Variants in PGM1 observed in about 807,000 individuals in gnomAD.
PGM1 encodes the protein phosphoglucomutase-1.
A neutral mutation model predicts 55.6 loss-of-function variants in PGM1; 52 were observed. The observed-to-expected ratio is 0.94, with a 90% CI of 0.75 to 1.18. The LOEUF (loss-of-function observed/expected upper bound fraction) is 1.18, where lower values mean the gene tolerates loss of function less well. Ranked by LOEUF, PGM1 falls within the 50% of genes most tolerant of loss-of-function variation. The pLI, the probability that PGM1 is intolerant of heterozygous loss-of-function variation, is 0.00. For missense variants in PGM1, 724 were observed against 729.3 expected (o/e 0.99, Z 0.08); for synonymous variants, 287 against 271.7 (o/e 1.06, Z -0.55).
chr1:63,636,107 T>A lies in PGM1; in HGVS notation c.874-127T>A, dbSNP rs1649354265. On this transcript the variant is annotated intron_variant, in intron 5 of 10. Transcript: ENST00000371084. ...TGAAAATAAAACCCAGTGTTAAAAA[T>A]GCAGTATGGAAAGGAGATCAATTTC... The A allele has an allele frequency of 3.3e-6, 3 of 907,608 alleles. No individual in the cohort carries two copies. The South Asian group carries it at 4.2e-5, about 13-fold the overall frequency. The allele number at this position is 907,608 out of a possible 1,614,324, so 56.2% of individuals were successfully genotyped here.
At chr1:63,610,948 A>G (rs1008925214) in intron 1 of PGM1, among the ~76,000 whole-genome samples, 3 of 152,248 alleles carry the variant, frequency 2.0e-5, no homozygotes, top group South Asian at 4.1e-4. Context: ...TCTACCCCTT[A>G]TGGTTTTAGG....
At chr1:63,601,511 C>T (rs1022681174) in intron 1 of PGM1, among the ~76,000 whole-genome samples, 1 of 152,186 alleles carries the variant, frequency 6.6e-6, no homozygotes, top group African/African-American at 2.4e-5. Flanking sequence ...CCTTGAGGCC[C>T]ACACAGACAT....
At chr1:63,601,011 G>A (rs1648228990) in intron 1 of PGM1, among the ~76,000 whole-genome samples, 1 of 152,002 alleles carries the variant, frequency 6.6e-6, no homozygotes. Flanking sequence ...ATATACTGGG[G>A]GCTTGCAAAT....
chr1:63,611,271 C>A (rs765674463), intron 1 of PGM1, among the ~76,000 whole-genome samples: 22 of 151,918 alleles, frequency 1.4e-4, no homozygotes, highest in Non-Finnish European at 2.9e-4. Context: ...AAAGAGGAAG[C>A]CAGGAAAAAG....
At chr1:63,618,817 C>A (rs1648811557) in intron 1 of PGM1, among the ~76,000 whole-genome samples, 1 of 152,110 alleles carries the variant, frequency 6.6e-6, no homozygotes, top group African/African-American at 2.4e-5. Flanking sequence ...AGCCCCTGTT[C>A]CCGATTCTCA....
chr1:63,648,492 C>G (rs376501061), intron 7 of PGM1, 25 bp from the exon 8 acceptor site: 3 of 1,613,818 alleles, frequency 1.9e-6, no homozygotes, highest in African/African-American at 2.7e-5. Flanking sequence ...ACGTTTCTTA[C>G]AGCAGCTTGC....
At chr1:63,629,345 C>A in intron 1 of PGM1, 80 bp from the exon 2 acceptor site, 1 of 1,170,578 alleles carries the variant, frequency 8.5e-7, no homozygotes, top group Non-Finnish European at 1.3e-6. Flanking sequence ...GTCCATCTGC[C>A]TGTTGTCTTG....
At chr1:63,638,069 C>T (rs552721471) in intron 6 of PGM1, among the ~76,000 whole-genome samples, 8 of 152,136 alleles carry the variant, frequency 5.3e-5, no homozygotes, top group South Asian at 2.1e-4. Context: ...AAATAAAAGA[C>T]GTGTTAGAAG....
At chr1:63,605,448 T>C (rs1043511080) in intron 1 of PGM1, among the ~76,000 whole-genome samples, 22 of 152,334 alleles carry the variant, frequency 1.4e-4, no homozygotes, top group African/African-American at 5.3e-4. Flanking sequence ...TCTCTATTAC[T>C]GATGGCTACC....
intron 7 of PGM1, among the ~76,000 whole-genome samples, chr1:63,645,208 A>G (rs1649617889): frequency 6.6e-6 from 1 of 152,238 alleles, no homozygotes; most frequent in African/African-American, 2.4e-5. Context: ...TTTTGTTTAT[A>G]GTATTAGGTG....
chr1:63,623,688 G>T (rs375664222), intron 1 of PGM1: 2 of 1,612,608 alleles, frequency 1.2e-6, no homozygotes, highest in Non-Finnish European at 1.7e-6. Flanking sequence ...CATCACTGGT[G>T]GTTGGTGGAG....
Position 63,630,077 on chromosome 1 carries a change from A to C in PGM1, c.545A>C (p.Lys182Thr). 6.2e-7 allele frequency: 1 copy of C among 1,614,010 alleles called. No homozygotes were observed. The highest frequency in any genetic ancestry group is 1.1e-5 in the South Asian group (1 of 91,078). The change falls in exon 3 of 11, where the codon AAA becomes ACA. Residue 182 changes from lysine (K) to threonine (T), a missense_variant. By Grantham distance (78) the Lys-to-Thr change is moderately conservative. This residue lies in a region of PGM1 where 379 missense variants were observed against 357.5 expected (regional missense o/e 1.06). Coordinates refer to ENST00000371084, the MANE Select transcript of PGM1 (RefSeq NM_002633.3). ...CAGTTTGACTTGGAAAATAAGTTCA[A>C]ACCCTTCACAGGCATGTTTACTTTC... is the stretch of plus-strand genomic sequence containing the variant. ...KQQFDLENKFKPFTVEIVDSV... is the reference protein window; with the variant it reads ...KQQFDLENKFTPFTVEIVDSV...
chr1:63,629,356 GTGT>G (rs1649125931), intron 1 of PGM1, 66 bp from the exon 2 acceptor site: 1 of 1,287,762 alleles, frequency 7.8e-7, no homozygotes, highest in Non-Finnish European at 1.1e-6. Context: ...TGTTGTCTTG[GTGT>G]TGTTTCTGAG....
In PGM1 at chr1:63,642,109, C is replaced by T. The variant is rs543358130; in HGVS notation, c.1144+3309C>T. On this transcript the variant is annotated intron_variant, in intron 7 of 10. Coordinates refer to ENST00000371084, the MANE Select transcript of PGM1 (RefSeq NM_002633.3). ...ACTCCACAGTCCAGGGTTGGGAACCCCAGGGTCTTTGCGGGAAGAAATGCA... is the reference window on the plus strand; with the variant it reads ...ACTCCACAGTCCAGGGTTGGGAACCTCAGGGTCTTTGCGGGAAGAAATGCA... 5.3e-4 allele frequency among the ~76,000 whole-genome samples: 80 copies of T among 152,206 alleles called. No homozygotes were observed. In the Middle Eastern group the frequency reaches 0.01, roughly 19 times the overall value.
intron 4 of PGM1, among the ~76,000 whole-genome samples, chr1:63,633,940 T>TTTATTTA (rs1649288864): frequency 8.5e-6 from 1 of 117,330 alleles, no homozygotes; most frequent in African/African-American, 3.7e-5. Flanking sequence ...ATATTTTTTT[T>TTTATTTA]TTTTTTTTTT....
chr1:63,639,155 TA>T (rs1383430605), intron 7 of PGM1, among the ~76,000 whole-genome samples: 2 of 152,100 alleles, frequency 1.3e-5, no homozygotes, highest in African/African-American at 4.8e-5. Flanking sequence ...TGAGAAGAAA[TA>T]CGGTGGAGCA....
chr1:63,650,343 A>G (rs985072532), intron 8 of PGM1, among the ~76,000 whole-genome samples: 1 of 152,100 alleles, frequency 6.6e-6, no homozygotes, highest in Admixed American at 6.5e-5. Flanking sequence ...TGATTGCAAA[A>G]CCCAGACTCT....
intron 1 of PGM1, among the ~76,000 whole-genome samples, chr1:63,628,786 G>A (rs1004843126): frequency 3.3e-5 from 5 of 152,118 alleles, no homozygotes; most frequent in Admixed American, 3.3e-4. Flanking sequence ...CATTCTGACT[G>A]GTTTACTCAG....
At chr1:63,623,519 T>A in intron 1 of PGM1, 1 of 1,612,736 alleles carries the variant, frequency 6.2e-7, no homozygotes, top group South Asian at 1.1e-5. Flanking sequence ...GAAGGTCCTC[T>A]CCCTCTGTTG....
Sources: gnomAD v4.1 joint callset for allele counts (sites outside exome capture counted in the v4.1 genomes callset) on GRCh38, gnomAD v4.1.1 for gene constraint, gnomAD v4.1.1 regional missense constraint, MANE v1.5 for transcripts, NCBI Gene and HGNC (gene_info 2026-07-23, HGNC 2026-07-21) for gene names.